Variants in CDC42EP4 observed in about 807,000 individuals in gnomAD.
CDC42EP4 encodes the protein CDC42 effector protein (Rho GTPase binding) 4.
In CDC42EP4, 6 loss-of-function variants were observed where a neutral mutation model predicts 5.6. The observed-to-expected ratio is 1.07, with a 90% CI of 0.59 to 2.12. CDC42EP4 has a LOEUF of 2.12. CDC42EP4 is among the 30% of genes most tolerant of loss of function. CDC42EP4 has a pLI of 0.00. For synonymous variants in CDC42EP4, 230 were observed against 224.2 expected, an observed-to-expected ratio of 1.03 and a Z score of -0.23; for missense variants, 490 against 508.6, an observed-to-expected ratio of 0.96 and a Z score of 0.35.
intron 1 of CDC42EP4, among the ~76,000 whole-genome samples, chr17:73,293,853 G>A (rs1165125693): frequency 4.6e-5 from 7 of 152,212 alleles, no homozygotes; most frequent in Non-Finnish European, 7.3e-5. Flanking sequence ...AACAGTGACC[G>A]CTTAGATACA....
Position 73,297,001 on chromosome 17 carries a change from A to AAAAAAAAAAAAAAAAAAAAAAAAAAACAC in CDC42EP4, c.-112-10390_-112-10389insGTGTTTTTTTTTTTTTTTTTTTTTTTTTT, listed in dbSNP as rs547362762. Among the ~76,000 whole-genome samples the AAAAAAAAAAAAAAAAAAAAAAAAAAACAC allele has an allele frequency of 8.1e-4, 50 of 61,760 alleles. 16 individuals carry two copies. The highest frequency in any genetic ancestry group is 1.3e-3 in the Non-Finnish European group (39 of 30,026). The allele number at this position is 61,760 out of a possible 152,430, so 40.5% of individuals were successfully genotyped here. A position where few individuals can be genotyped will look rare whatever the true frequency, so the allele number is the denominator to read the frequency against. On this transcript the variant is annotated intron_variant, in intron 1 of 1. Transcript: ENST00000335793. ...GTCTCAAAAAAAAAAAAAAAAAAAA[A>AAAAAAAAAAAAAAAAAAAAAAAAAAACAC]AAATACACAAGGCCAAGCGCCGTGG...
At chr17:73,310,392 G>A (rs1262386566) in intron 1 of CDC42EP4, among the ~76,000 whole-genome samples, 3 of 152,122 alleles carry the variant, frequency 2.0e-5, no homozygotes, top group Non-Finnish European at 4.4e-5. Context: ...GATGGCTGCT[G>A]GGGTTCGGAC....
At chr17:73,310,636 C>T (rs991503130) in intron 1 of CDC42EP4, among the ~76,000 whole-genome samples, 1 of 152,096 alleles carries the variant, frequency 6.6e-6, no homozygotes, top group Non-Finnish European at 1.5e-5. Context: ...TTGTATTTCC[C>T]CTCCATTCTC....
intron 1 of CDC42EP4, among the ~76,000 whole-genome samples, chr17:73,301,136 G>A (rs1448626805): frequency 6.6e-6 from 1 of 151,528 alleles, no homozygotes; most frequent in East Asian, 1.9e-4. Flanking sequence ...CTAAGATTTA[G>A]TATAAAAAAA....
intron 1 of CDC42EP4, among the ~76,000 whole-genome samples, chr17:73,290,603 G>A (rs1191014003): frequency 6.6e-6 from 1 of 152,204 alleles, no homozygotes; most frequent in Non-Finnish European, 1.5e-5. Flanking sequence ...ATGTCCCCCA[G>A]GAGGCAAAAC....
At chr17:73,294,123 G>A (rs1041558526) in intron 1 of CDC42EP4, among the ~76,000 whole-genome samples, 1 of 152,148 alleles carries the variant, frequency 6.6e-6, no homozygotes, top group Non-Finnish European at 1.5e-5. Context: ...GGCTGAGGCG[G>A]GTGGATCTCC....
chr17:73,284,176 TAACTC>T lies in CDC42EP4; in HGVS notation c.*1249_*1253del, dbSNP rs1280261526. 6.6e-6 allele frequency: 1 copy of T among 152,216 alleles called. No individual in the cohort carries two copies. The highest frequency in any genetic ancestry group is 1.5e-5 in the Non-Finnish European group (1 of 68,042). The allele number at this position is 152,216 out of a possible 1,614,324, so 9.4% of individuals were successfully genotyped here. On this transcript the variant is annotated 3_prime_UTR_variant, in exon 2 of 2. Coordinates refer to ENST00000335793, the MANE Select transcript of CDC42EP4 (RefSeq NM_012121.5). ...CTTTTGTTTACCTGAAATTTGCGTT[TAACTC>T]AGCACTCTGTTTTGGTTTTGCTAAA...
Position 73,285,867 on chromosome 17 carries a change from C to T in CDC42EP4, c.634G>A (p.Asp212Asn), listed in dbSNP as rs751036209. ...HAESIMSFHI[D>N]LGPSMLGDVL... ...TCACCCAGCATGGAGGGCCCCAGGT[C>T]GATGTGGAAGGACATGATGGACTCC... The change falls in exon 2 of 2, where the codon GAC becomes AAC. Residue 212 changes from aspartate to asparagine, a missense_variant. Coordinates refer to ENST00000335793, the MANE Select transcript of CDC42EP4 (RefSeq NM_012121.5). This position sits in a 1 kb window ranked among gnomAD's most constrained non-coding sequence, Gnocchi z 6.8. 1.2e-5 allele frequency: 19 copies of T among 1,613,924 alleles called. No individual in the cohort carries two copies. The highest frequency in any genetic ancestry group is 1.4e-5 in the Non-Finnish European group (17 of 1,180,016).
chr17:73,298,982 C>T (rs981040069), intron 1 of CDC42EP4, among the ~76,000 whole-genome samples: 13 of 150,922 alleles, frequency 8.6e-5, no homozygotes, highest in African/African-American at 2.9e-4. Context: ...TTTTGAGACA[C>T]GGCATTGCTG....
chr17:73,295,827 C>A (rs930287473), intron 1 of CDC42EP4, among the ~76,000 whole-genome samples: 1 of 151,302 alleles, frequency 6.6e-6, no homozygotes, highest in Non-Finnish European at 1.5e-5. Flanking sequence ...ACTGCTTGAA[C>A]CTGGGAGGCA....
At chr17:73,293,573 C>G (rs2062171617) in intron 1 of CDC42EP4, among the ~76,000 whole-genome samples, 1 of 152,208 alleles carries the variant, frequency 6.6e-6, no homozygotes, top group African/African-American at 2.4e-5. Flanking sequence ...GGCGGAACTT[C>G]ACTTTGCCGA....
chr17:73,298,188 T>C (rs2062198669), intron 1 of CDC42EP4, among the ~76,000 whole-genome samples: 1 of 152,102 alleles, frequency 6.6e-6, no homozygotes, highest in Non-Finnish European at 1.5e-5. Context: ...CTGATGTCTG[T>C]TCTCTCTCTT....
chr17:73,295,719 A>G (rs1276892419), intron 1 of CDC42EP4, among the ~76,000 whole-genome samples: 1 of 151,950 alleles, frequency 6.6e-6, no homozygotes, highest in Non-Finnish European at 1.5e-5. Flanking sequence ...CCTGGCCAAC[A>G]TGGTGAAACC....
At chr17:73,297,086 G>C (rs1483060096) in intron 1 of CDC42EP4, among the ~76,000 whole-genome samples, 3 of 150,516 alleles carry the variant, frequency 2.0e-5, no homozygotes, top group Non-Finnish European at 4.4e-5. Context: ...CCGAGGTCAG[G>C]AGTTCAAGAC....
chr17:73,291,200 C>T (rs895863815), intron 1 of CDC42EP4, among the ~76,000 whole-genome samples: 1 of 152,122 alleles, frequency 6.6e-6, no homozygotes, highest in Non-Finnish European at 1.5e-5. Context: ...GGGTTGGGAA[C>T]GAGACTTTGT....
chr17:73,301,710 C>CTTTT (rs35550966), intron 1 of CDC42EP4, among the ~76,000 whole-genome samples: 2 of 131,394 alleles, frequency 1.5e-5, no homozygotes, highest in Admixed American at 7.8e-5. Context: ...CCATGCCCAG[C>CTTTT]TTTTTTTTTT....
intron 1 of CDC42EP4, among the ~76,000 whole-genome samples, chr17:73,301,710 CTT>C (rs35550966): frequency 2.1e-4 from 28 of 131,358 alleles, no homozygotes; most frequent in African/African-American, 3.4e-4. Context: ...CCATGCCCAG[CTT>C]TTTTTTTTTT....
At chr17:73,287,262 C>G (rs2062139581) in intron 1 of CDC42EP4, among the ~76,000 whole-genome samples, 2 of 152,176 alleles carry the variant, frequency 1.3e-5, no homozygotes, top group Admixed American at 1.3e-4. Flanking sequence ...GCCTTTCAGC[C>G]TTCGCTTGGT....
chr17:73,297,167 G>A (rs1370534973), intron 1 of CDC42EP4, among the ~76,000 whole-genome samples: 5 of 99,140 alleles, frequency 5.0e-5, no homozygotes, highest in African/African-American at 9.7e-5. Flanking sequence ...GGTGGCAGGC[G>A]CCTGTAATCC....
Sources: gnomAD v4.1 joint callset for allele counts (sites outside exome capture counted in the v4.1 genomes callset) on GRCh38, gnomAD v4.1.1 for gene constraint, Gnocchi (gnomAD v3.1) non-coding constraint, MANE v1.5 for transcripts, NCBI Gene and HGNC (gene_info 2026-07-23, HGNC 2026-07-21) for gene names.